ADA: variants seen among roughly 807,000 people sequenced by gnomAD.
The protein encoded by ADA is adenosine deaminase.
A neutral mutation model predicts 49.0 loss-of-function variants in ADA; 45 were observed. That is an observed-to-expected ratio of 0.92 (90% CI 0.72 to 1.18). ADA has a LOEUF of 1.18. ADA is among the 50% of genes most tolerant of loss of function. The probability of loss-of-function intolerance (pLI) is 0.00; values close to 1 mark genes in which losing one functional copy is unlikely to be tolerated. For missense variants in ADA, 445 were observed against 472.5 expected (o/e 0.94, Z 0.54); for synonymous variants, 173 against 184.2 (o/e 0.94, Z 0.49).
At chr20:44,628,844 AT>A (rs1485506373) in intron 3 of ADA, among the ~76,000 whole-genome samples, 1 of 152,108 alleles carries the variant, frequency 6.6e-6, no homozygotes, top group African/African-American at 2.4e-5. Context: ...ACTTGAAGCA[AT>A]TTCAGTCCAT....
chr20:44,647,310 C>T (rs1160179916), intron 1 of ADA, among the ~76,000 whole-genome samples: 1 of 151,906 alleles, frequency 6.6e-6, no homozygotes, highest in African/African-American at 2.4e-5. Flanking sequence ...GTGGTGCATG[C>T]CTGTAATTCC....
At chr20:44,640,571 G>A (rs2065522776) in intron 1 of ADA, among the ~76,000 whole-genome samples, 1 of 151,732 alleles carries the variant, frequency 6.6e-6, no homozygotes, top group Admixed American at 6.6e-5. Flanking sequence ...AGGAGGCTGA[G>A]GCAGGAGAAT....
intron 1 of ADA, among the ~76,000 whole-genome samples, chr20:44,648,159 C>T (rs2065609683): frequency 6.6e-6 from 1 of 152,122 alleles, no homozygotes; most frequent in South Asian, 2.1e-4. Context: ...TGCAGAATGC[C>T]TGAGTGCCTG....
rs936197002 is a variant in ADA, at chr20:44,641,689, G to A, written c.34-5401C>T. ...GTGAATGGGGGCGGTAGTCACGTCCGCTTGTGGGTGGGACTGGTGGGGGGA... is the reference window on the plus strand; with the variant it reads ...GTGAATGGGGGCGGTAGTCACGTCCACTTGTGGGTGGGACTGGTGGGGGGA... On this transcript the variant is annotated intron_variant, in intron 1 of 11. Transcript: ENST00000372874. Among the ~76,000 whole-genome samples the A allele has an allele frequency of 6.6e-5, 10 of 152,216 alleles. No individual in the cohort carries two copies. In the East Asian group the frequency reaches 1.5e-3, roughly 23 times the overall value.
intron 2 of ADA, among the ~76,000 whole-genome samples, chr20:44,635,601 T>G (rs2065472475): frequency 6.6e-6 from 1 of 152,110 alleles, no homozygotes; most frequent in Admixed American, 6.6e-5. Flanking sequence ...GGCTCTCAGT[T>G]AAGTCAAAAG....
chr20:44,624,038 G>T, intron 6 of ADA, 164 bp downstream of exon 6: 1 of 1,003,676 alleles, frequency 1.0e-6, no homozygotes, highest in Non-Finnish European at 1.5e-6. Flanking sequence ...GAACCACCAC[G>T]CCTGGCCCAG....
At chr20:44,644,653 A>G (rs985062084) in intron 1 of ADA, among the ~76,000 whole-genome samples, 3 of 152,202 alleles carry the variant, frequency 2.0e-5, no homozygotes, top group African/African-American at 7.2e-5. Context: ...TGGCCTCTCA[A>G]CTGACTTTTA....
intron 9 of ADA, among the ~76,000 whole-genome samples, chr20:44,622,160 C>A (rs777710393): frequency 6.6e-6 from 1 of 152,216 alleles, no homozygotes; most frequent in African/African-American, 2.4e-5. Context: ...TGGAACAGAC[C>A]CTCCGGTGGA....
chr20:44,638,629 C>T (rs1245652975), intron 1 of ADA, among the ~76,000 whole-genome samples: 3 of 152,160 alleles, frequency 2.0e-5, no homozygotes, highest in Non-Finnish European at 2.9e-5. Context: ...TGCGCTCCTG[C>T]TGGATGCTAG....
intron 2 of ADA, among the ~76,000 whole-genome samples, chr20:44,632,018 T>A (rs395209): frequency 0.93 from 141,128 of 152,280 alleles, 65,478 homozygotes; most frequent in Non-Finnish European, 0.95. Context: ...GCCCGTCCCC[T>A]AGAACAAATT....
chr20:44,625,785 A>T, intron 4 of ADA, 101 bp from the exon 5 acceptor site: 1 of 980,480 alleles, frequency 1.0e-6, no homozygotes, highest in Non-Finnish European at 1.6e-6. Context: ...TTTGGGGAGG[A>T]CCCTCCTCCC....
rs1483743360 is a variant in ADA, at chr20:44,626,491, G to T, written c.327C>A (p.Asn109Lys). ...EVRYSPHLLA[N>K]SKVEPIPWNQ... Reference sequence around the variant, plus strand: ...TCCAGGGGATTGGCTCCACTTTGGAGTTGGCCAGCAGGTGCGGACTGTACC... The same window carrying T: ...TCCAGGGGATTGGCTCCACTTTGGATTTGGCCAGCAGGTGCGGACTGTACC... The change falls in exon 4 of 12, where the codon AAC becomes AAA. Residue 109 changes from asparagine (N) to lysine (K), a missense_variant. Asn to Lys is a moderately conservative substitution (Grantham distance 94, BLOSUM62 0). Coordinates refer to ENST00000372874, the MANE Select transcript of ADA (RefSeq NM_000022.4). 1 of 1,614,134 alleles carries T rather than the reference G, an allele frequency of 6.2e-7. No homozygotes were observed.
chr20:44,626,859 CT>C (rs1337187507), intron 3 of ADA, among the ~76,000 whole-genome samples: 2 of 152,286 alleles, frequency 1.3e-5, no homozygotes, highest in Admixed American at 1.3e-4. Context: ...ATGCTTGCCC[CT>C]GTCATCCTGT....
In ADA at chr20:44,629,047, G is replaced by C; in HGVS notation, c.218C>G (p.Ala73Gly). ...AKFDYYMPAIAGCREAIKRIA... is the reference protein window; with the variant it reads ...AKFDYYMPAIGGCREAIKRIA... ...GACCTGTGGGTTGGGGGCAACTCAC[G>C]CGATAGCAGGCATGTAGTAGTCAAA... The change falls in exon 3 of 12, where the codon GCG becomes GGG. Residue 73 changes from alanine to glycine, a missense_variant and splice_region_variant. Ala to Gly is a moderately conservative substitution (Grantham distance 60). Coordinates refer to ENST00000372874, the MANE Select transcript of ADA (RefSeq NM_000022.4). The C allele has an allele frequency of 6.2e-7, 1 of 1,614,190 alleles. No individual in the cohort carries two copies. Among genetic ancestry groups the C allele is most frequent in the Non-Finnish European group, 8.5e-7 (1 of 1,180,036 alleles).
At chr20:44,633,645 A>G (rs2065453576) in intron 2 of ADA, among the ~76,000 whole-genome samples, 1 of 152,214 alleles carries the variant, frequency 6.6e-6, no homozygotes, top group South Asian at 2.1e-4. Flanking sequence ...AGGCCACAGC[A>G]CCAGGGAGGG....
chr20:44,646,604 T>G (rs1049749770), intron 1 of ADA, among the ~76,000 whole-genome samples: 3 of 152,022 alleles, frequency 2.0e-5, no homozygotes, highest in Non-Finnish European at 4.4e-5. Flanking sequence ...GCATGTCAGT[T>G]TCCCCAAGAA....
At chr20:44,620,838 C>G (rs1600916182) in intron 10 of ADA, 180 bp downstream of exon 10, 2 of 817,306 alleles carry the variant, frequency 2.4e-6, no homozygotes, top group East Asian at 5.3e-5. Flanking sequence ...AAAACCTGGT[C>G]CTAGGTCAGG....
At chr20:44,636,043 C>A (rs777142607) in intron 2 of ADA, 184 bp downstream of exon 2, 2 of 633,820 alleles carry the variant, frequency 3.2e-6, no homozygotes, top group Non-Finnish European at 5.6e-6. Flanking sequence ...AGTTGGTCTG[C>A]GGGTCTCCAG....
At chr20:44,626,875 C>T (rs190851517) in intron 3 of ADA, among the ~76,000 whole-genome samples, 1 of 152,264 alleles carries the variant, frequency 6.6e-6, no homozygotes, top group East Asian at 1.9e-4. Flanking sequence ...TCCTGTTCTC[C>T]ACCCAGCAGT....
Sources: gnomAD v4.1 joint callset for allele counts (sites outside exome capture counted in the v4.1 genomes callset) on GRCh38, gnomAD v4.1.1 for gene constraint, MANE v1.5 for transcripts, NCBI Gene and HGNC (gene_info 2026-07-23, HGNC 2026-07-21) for gene names.